Variants in SEPTIN11 observed in about 807,000 individuals in gnomAD.
The protein encoded by SEPTIN11 is septin 11, also known as septin-11.
In SEPTIN11, 25 loss-of-function variants were observed where a neutral mutation model predicts 51.4. The ratio of observed to expected loss-of-function variants is 0.49; its 90% CI spans 0.35 to 0.68. SEPTIN11 has a LOEUF of 0.68. SEPTIN11 is among the 30% of genes least tolerant of loss of function. SEPTIN11 has a pLI of 0.00. For synonymous variants in SEPTIN11, 174 were observed against 184.1 expected (o/e 0.95, Z 0.44); for missense variants, 381 against 520.8 (o/e 0.73, Z 2.61).
intron 3 of SEPTIN11, 75 bp from the exon 4 acceptor site, chr4:77,011,660 C>A: frequency 7.2e-7 from 1 of 1,385,816 alleles, no homozygotes; most frequent in Middle Eastern, 2.1e-4. Context: ...AGAGAAGAAG[C>A]CATTGTGATG....
intron 4 of SEPTIN11, among the ~76,000 whole-genome samples, chr4:77,013,719 C>A (rs752338909): frequency 6.6e-6 from 1 of 152,098 alleles, no homozygotes; most frequent in Non-Finnish European, 1.5e-5. Flanking sequence ...TCATCTCATT[C>A]GGGTTTATCA....
intron 2 of SEPTIN11, among the ~76,000 whole-genome samples, chr4:77,001,069 T>C (rs940648941): frequency 1.3e-5 from 2 of 152,162 alleles, no homozygotes; most frequent in Non-Finnish European, 2.9e-5. Context: ...TCCCCCGCCT[T>C]GTTCACCTTA....
intron 7 of SEPTIN11, among the ~76,000 whole-genome samples, chr4:77,023,660 A>T (rs1265165195): frequency 6.6e-6 from 1 of 152,112 alleles, no homozygotes; most frequent in African/African-American, 2.4e-5. Flanking sequence ...AATGAATTTG[A>T]TTTTCCTTTT....
chr4:76,977,827 A>C (rs901526135), intron 1 of SEPTIN11, among the ~76,000 whole-genome samples: 1 of 151,928 alleles, frequency 6.6e-6, no homozygotes, highest in Non-Finnish European at 1.5e-5. Context: ...TCTAGCCCAT[A>C]CTACCGAAAG....
chr4:76,990,652 G>A (rs1482382563), intron 1 of SEPTIN11, among the ~76,000 whole-genome samples: 2 of 152,200 alleles, frequency 1.3e-5, no homozygotes, highest in African/African-American at 2.4e-5. Context: ...AAGATCTGAG[G>A]TAGAGCGGTT....
intron 2 of SEPTIN11, among the ~76,000 whole-genome samples, chr4:77,005,153 C>T (rs1346665120): frequency 6.6e-6 from 1 of 152,080 alleles, no homozygotes; most frequent in Non-Finnish European, 1.5e-5. Context: ...ATTAACTGAT[C>T]TTTTAGGTAA....
chr4:76,969,579 A>G (rs1319544423), intron 1 of SEPTIN11, among the ~76,000 whole-genome samples: 1 of 152,162 alleles, frequency 6.6e-6, no homozygotes, highest in African/African-American at 2.4e-5. Flanking sequence ...GAATTAATAA[A>G]TGTATCCATG....
At position 77,019,203 on chromosome 4, in the gene SEPTIN11, G is replaced by A. The variant is rs762913287; in HGVS notation, c.726G>A (p.Glu242=). The change falls in exon 6 of 10, where the codon GAG becomes GAA. Residue 242 remains glutamate (E), a synonymous_variant. Transcript: ENST00000264893. ...LPFAVVGSTE[E]VKIGNKMAKA... ...TTGCAGTGGTTGGCAGCACCGAAGA[G>A]GTGAAGATTGGCAACAAGATGGCAA... 2 of 1,613,766 alleles carry A rather than the reference G, an allele frequency of 1.2e-6. No homozygotes were observed. The highest frequency in any genetic ancestry group is 1.1e-5 in the South Asian group (1 of 90,884).
intron 8 of SEPTIN11, among the ~76,000 whole-genome samples, chr4:77,029,769 C>T (rs868542695): frequency 2.2e-4 from 33 of 148,688 alleles, no homozygotes; most frequent in Admixed American, 8.0e-4. Context: ...TATATATATA[C>T]ACACACACAC....
chr4:77,018,774 A>C (rs1725487383), intron 5 of SEPTIN11, among the ~76,000 whole-genome samples: 1 of 152,238 alleles, frequency 6.6e-6, no homozygotes, highest in Non-Finnish European at 1.5e-5. Flanking sequence ...AGTTGCATTT[A>C]ATTGAAAAAT....
chr4:77,014,744 C>G, intron 4 of SEPTIN11, 112 bp from the exon 5 acceptor site: 2 of 1,032,926 alleles, frequency 1.9e-6, no homozygotes, highest in East Asian at 4.9e-5. Context: ...TAGGAAACAT[C>G]TTTATTTTTT....
chr4:77,019,375 G>T (rs557370463), intron 6 of SEPTIN11, 114 bp downstream of exon 6: 2 of 803,220 alleles, frequency 2.5e-6, no homozygotes, highest in Non-Finnish European at 3.8e-6. Context: ...CTGGCAGTGG[G>T]AGGGAGTGGT....
chr4:77,032,449 C>T (rs759913751), intron 9 of SEPTIN11, among the ~76,000 whole-genome samples: 2 of 152,112 alleles, frequency 1.3e-5, no homozygotes, highest in Non-Finnish European at 2.9e-5. Flanking sequence ...GTGATGTTTC[C>T]CATGCAGAGA....
intron 1 of SEPTIN11, among the ~76,000 whole-genome samples, chr4:76,974,140 G>T (rs1157380173): frequency 1.3e-5 from 2 of 151,966 alleles, no homozygotes; most frequent in African/African-American, 4.8e-5. Context: ...CTAAAGAATT[G>T]GTTTCTCTCC....
At chr4:76,981,144 C>T (rs1722751735) in intron 1 of SEPTIN11, among the ~76,000 whole-genome samples, 1 of 152,210 alleles carries the variant, frequency 6.6e-6, no homozygotes, top group Non-Finnish European at 1.5e-5. Flanking sequence ...CATATTTTAT[C>T]ATCTCTTTTT....
At chr4:77,000,024 A>G (rs1724013170) in intron 2 of SEPTIN11, among the ~76,000 whole-genome samples, 1 of 152,170 alleles carries the variant, frequency 6.6e-6, no homozygotes, top group African/African-American at 2.4e-5. Context: ...TTTCTCATCC[A>G]TTTTCCAAAA....
intron 1 of SEPTIN11, chr4:76,958,996 C>T (rs1721687010): frequency 1.3e-6 from 1 of 792,492 alleles, no homozygotes. Flanking sequence ...GACAGTCATC[C>T]ACATCTACTT....
At chr4:76,955,930 G>A (rs919521512) in intron 1 of SEPTIN11, among the ~76,000 whole-genome samples, 2 of 152,176 alleles carry the variant, frequency 1.3e-5, no homozygotes, top group Non-Finnish European at 2.9e-5. Flanking sequence ...GGGGCTGGGG[G>A]GGAAGATGGT....
chr4:76,971,090 AACAT>A (rs1235960083), intron 1 of SEPTIN11, among the ~76,000 whole-genome samples: 1 of 152,226 alleles, frequency 6.6e-6, no homozygotes, highest in Non-Finnish European at 1.5e-5. Context: ...ATCTTACATA[AACAT>A]ACATAAATGT....
Sources: gnomAD v4.1 joint callset for allele counts (sites outside exome capture counted in the v4.1 genomes callset) on GRCh38, gnomAD v4.1.1 for gene constraint, MANE v1.5 for transcripts, NCBI Gene and HGNC (gene_info 2026-07-23, HGNC 2026-07-21) for gene names.